Variants in SHISA6 observed in about 807,000 individuals in gnomAD.
The protein encoded by SHISA6 is shisa family member 6, also known as protein shisa-6.
Under a neutral mutation model 47.9 loss-of-function variants are expected in SHISA6, and 22 were observed. The ratio of observed to expected loss-of-function variants is 0.46; its 90% CI spans 0.33 to 0.66. The LOEUF (loss-of-function observed/expected upper bound fraction) is 0.66. SHISA6 is among the 30% of genes least tolerant of loss of function. SHISA6 has a pLI of 0.02. For missense variants in SHISA6, 680 were observed against 764.6 expected (o/e 0.89, Z 1.30); for synonymous variants, 388 against 337.8 (o/e 1.15, Z -1.63).
chr17:11,517,513 T>C (rs895377810), intron 3 of SHISA6, among the ~76,000 whole-genome samples: 22 of 152,220 alleles, frequency 1.4e-4, no homozygotes, highest in African/African-American at 5.1e-4. Flanking sequence ...GCCCAAGTCT[T>C]TGTTATGGAA....
At chr17:11,474,783 C>T (rs895388380) in intron 3 of SHISA6, among the ~76,000 whole-genome samples, 3 of 151,794 alleles carry the variant, frequency 2.0e-5, no homozygotes, top group Admixed American at 2.0e-4. Flanking sequence ...GTCAGCCCTC[C>T]AACTTTGTTC....
chr17:11,524,960 A>AC (rs1253637279), intron 3 of SHISA6, among the ~76,000 whole-genome samples: 1 of 150,660 alleles, frequency 6.6e-6, no homozygotes, highest in Non-Finnish European at 1.5e-5. Context: ...CCCTGAGATG[A>AC]CGGGGGGGTA....
chr17:11,342,374 T>C (rs1443182759), intron 2 of SHISA6, among the ~76,000 whole-genome samples: 1 of 151,666 alleles, frequency 6.6e-6, no homozygotes, highest in African/African-American at 2.4e-5. Context: ...AGAGGGCGTG[T>C]TGGAGGCTGG....
At chr17:11,328,746 G>T (rs1239015958) in intron 2 of SHISA6, among the ~76,000 whole-genome samples, 1 of 152,166 alleles carries the variant, frequency 6.6e-6, no homozygotes, top group African/African-American at 2.4e-5. Flanking sequence ...TATGAAGTAG[G>T]TCAGGCAGAG....
chr17:11,362,923 C>G (rs980769011), intron 2 of SHISA6, among the ~76,000 whole-genome samples: 1 of 152,174 alleles, frequency 6.6e-6, no homozygotes, highest in Non-Finnish European at 1.5e-5. Context: ...AGAAGGAGTT[C>G]TGAACCTTAA....
chr17:11,277,770 C>T (rs534808755), intron 2 of SHISA6, among the ~76,000 whole-genome samples: 55 of 152,208 alleles, frequency 3.6e-4, no homozygotes, highest in African/African-American at 1.2e-3. Context: ...TTCCTAAGCA[C>T]GTGCCTTCCA....
rs992186635 is a variant in SHISA6, at chr17:11,329,890, TTC to T, written c.800-49518_800-49517del. 4.6e-5 allele frequency among the ~76,000 whole-genome samples: 7 copies of T among 152,022 alleles called. 1 individual carries two copies. The highest frequency in any genetic ancestry group is 3.3e-4 in the Admixed American group (5 of 15,274). On this transcript the variant is annotated intron_variant, in intron 2 of 5. Coordinates refer to ENST00000441885, the MANE Select transcript of SHISA6 (RefSeq NM_207386.4). ...GGATCAAGGTGCTCCAGTGATGCTT[TTC>T]TCTCTTTCTCTCTCCCTCCCTCCCT...
intron 2 of SHISA6, among the ~76,000 whole-genome samples, chr17:11,307,425 A>G (rs114604825): frequency 0.035 from 5,258 of 152,300 alleles, 320 homozygotes; most frequent in African/African-American, 0.12. Flanking sequence ...GCTGGGTTCC[A>G]GTGTCAATTC....
intron 3 of SHISA6, among the ~76,000 whole-genome samples, chr17:11,498,564 C>T (rs2321840): frequency 0.22 from 33,850 of 152,138 alleles, 3,910 homozygotes; most frequent in East Asian, 0.32. Context: ...AGGGGATGGA[C>T]ATCCCAATTG....
chr17:11,258,628 G>T (rs1908104935), intron 1 of SHISA6, among the ~76,000 whole-genome samples: 1 of 152,208 alleles, frequency 6.6e-6, no homozygotes, highest in Non-Finnish European at 1.5e-5. Flanking sequence ...ACTGGGAAAT[G>T]CTTGGAGGAA....
intron 2 of SHISA6, among the ~76,000 whole-genome samples, chr17:11,324,568 G>T (rs1411601347): frequency 6.6e-6 from 1 of 152,044 alleles, no homozygotes; most frequent in African/African-American, 2.4e-5. Flanking sequence ...GGTAGGCGGG[G>T]TATTGGGGCT....
At chr17:11,480,375 T>A (rs1298177804) in intron 3 of SHISA6, among the ~76,000 whole-genome samples, 1 of 148,988 alleles carries the variant, frequency 6.7e-6, no homozygotes, top group Admixed American at 6.8e-5. Context: ...GTTGAGTGAA[T>A]CAATAAATAC....
At chr17:11,435,495 G>A (rs1914911446) in intron 3 of SHISA6, among the ~76,000 whole-genome samples, 1 of 151,922 alleles carries the variant, frequency 6.6e-6, no homozygotes, top group Non-Finnish European at 1.5e-5. Flanking sequence ...CTTATACTAA[G>A]AGGACATAAC....
chr17:11,530,027 A>T (rs189756767), intron 3 of SHISA6, among the ~76,000 whole-genome samples: 4 of 152,200 alleles, frequency 2.6e-5, no homozygotes, highest in Non-Finnish European at 5.9e-5. Flanking sequence ...AAAAAAAAAC[A>T]CCTAGTGCTG....
rs543307509 is a variant in SHISA6 at position 11,558,103 on chromosome 17, C to T, written c.1455C>T (p.Pro485=). 1.0e-5 allele frequency: 16 copies of T among 1,551,550 alleles called. No individual in the cohort carries two copies. The East Asian group carries it at 2.0e-4, about 19-fold the overall frequency. The part of the protein sequence containing the change: ...ISHTDVFVST[P]VLDRYRMSKM... ...ACACGGACGTCTTTGTGTCCACACC[C>T]GTGCTGGACCGCTACCGCATGAGCA... The change falls in exon 6 of 6, where the codon CCC becomes CCT. Residue 485 remains proline, a synonymous_variant. Coordinates refer to ENST00000441885, the MANE Select transcript of SHISA6 (RefSeq NM_207386.4).
intron 2 of SHISA6, among the ~76,000 whole-genome samples, chr17:11,350,174 A>ATTTTTTTTTTTTT (rs1310542458): frequency 3.0e-5 from 3 of 100,384 alleles, no homozygotes; most frequent in African/African-American, 1.3e-4. Context: ...TTATTTATTT[A>ATTTTTTTTTTTTT]TTTATTTATT....
At chr17:11,335,459 A>G (rs555101541) in intron 2 of SHISA6, among the ~76,000 whole-genome samples, 2 of 152,320 alleles carry the variant, frequency 1.3e-5, no homozygotes, top group East Asian at 1.9e-4. Flanking sequence ...CTCCAAAGGC[A>G]GGAAGAGAGG....
chr17:11,368,964 T>C (rs1367157732), intron 2 of SHISA6, among the ~76,000 whole-genome samples: 1 of 152,224 alleles, frequency 6.6e-6, no homozygotes, highest in East Asian at 1.9e-4. Flanking sequence ...CGAATTATTG[T>C]ACTTAATTTA....
At chr17:11,527,356 C>G (rs2071695454) in intron 3 of SHISA6, among the ~76,000 whole-genome samples, 1 of 152,130 alleles carries the variant, frequency 6.6e-6, no homozygotes, top group Non-Finnish European at 1.5e-5. Flanking sequence ...AAGCTATAAT[C>G]ATTCCACATA....
Sources: allele counts gnomAD v4.1 joint callset (sites outside exome capture counted in the v4.1 genomes callset), GRCh38; gene constraint gnomAD v4.1.1; transcripts MANE v1.5; gene names NCBI Gene and HGNC (gene_info 2026-07-23, HGNC 2026-07-21).